The following LMO7 variants were observed in gnomAD, a reference collection of about 807,000 sequenced individuals.
LMO7 encodes LIM domain 7.
Under a neutral mutation model 206.5 loss-of-function variants are expected in LMO7, and 120 were observed. The observed-to-expected ratio is 0.58, with a 90% confidence interval of 0.50 to 0.68. LMO7 has a LOEUF of 0.68. Ranked by LOEUF, LMO7 falls within the 30% of genes least tolerant of loss-of-function variation. The pLI, the probability that LMO7 is intolerant of heterozygous loss-of-function variation, is 0.00. For missense variants in LMO7, 1,959 were observed against 1,957.9 expected (o/e 1.00, Z -0.01); for synonymous variants, 706 against 681.5 (o/e 1.04, Z -0.56).
Position 75,823,665 on chromosome 13 carries a change from T to C in LMO7, c.2741T>C (p.Leu914Pro). 6.2e-7 allele frequency: 1 copy of C among 1,614,180 alleles called. No individual in the cohort carries two copies. The highest frequency in any genetic ancestry group is 1.1e-5 in the South Asian group (1 of 91,090). ...TPAPSPDASQ[L>P]ASSLSSQKEV... ...GCACCAAGCCCGGACGCAAGCCAAC[T>C]GGCTTCAAGCTTATCTAGCCAGAAA... Residue 914 changes from leucine to proline, a missense_variant, in exon 15 of 31, where the codon CTG (leucine) becomes CCG (proline). By Grantham distance (98) the Leu-to-Pro change is moderately conservative. Coordinates refer to ENST00000377534, the MANE Select transcript of LMO7 (RefSeq NM_001306080.2).
At chr13:75,783,026 A>G (rs926716661) in intron 4 of LMO7, among the ~76,000 whole-genome samples, 3 of 152,198 alleles carry the variant, frequency 2.0e-5, no homozygotes, top group African/African-American at 7.2e-5. Flanking sequence ...ATAAATTTTC[A>G]GTATTTTAAA....
intron 1 of LMO7, among the ~76,000 whole-genome samples, chr13:75,659,133 T>A (rs2038335268): frequency 1.3e-5 from 2 of 152,198 alleles, no homozygotes; most frequent in Non-Finnish European, 2.9e-5. Flanking sequence ...TAGTAATGGG[T>A]CAAAAATTTC....
intron 20 of LMO7, chr13:75,838,595 G>A (rs2139133100): frequency 5.1e-6 from 1 of 196,586 alleles, no homozygotes; most frequent in African/African-American, 2.4e-5. Context: ...ACATGCAATT[G>A]GCCAAGTTTT....
At chr13:75,825,954 C>A (rs1030105602) in intron 15 of LMO7, among the ~76,000 whole-genome samples, 2 of 152,140 alleles carry the variant, frequency 1.3e-5, no homozygotes, top group Non-Finnish European at 2.9e-5. Context: ...ATACCTTGGA[C>A]TTTTGCTGGC....
chr13:75,817,120 C>A (rs762816866), intron 11 of LMO7, 41 bp from the exon 12 acceptor site: 6 of 1,426,328 alleles, frequency 4.2e-6, no homozygotes, highest in South Asian at 3.5e-5. Flanking sequence ...TAAGTCTGGT[C>A]ATGTGAACTT....
In LMO7 at chr13:75,858,489, C is replaced by A. The variant is rs2061129212; in HGVS notation, c.*546C>A. 1 of 152,508 alleles carries A rather than the reference C, an allele frequency of 6.6e-6. No individual in the cohort carries two copies. The highest frequency in any genetic ancestry group is 1.5e-5 in the Non-Finnish European group (1 of 68,018). 9.4% of individuals were successfully genotyped at this position (152,508 alleles called of 1,614,324 possible). On this transcript the variant is annotated 3_prime_UTR_variant, in exon 31 of 31. Transcript: ENST00000377534. ...GATTTTTAAAAATGCAGTTAATGTA[C>A]CATTTATTTGCTTGATGAAGGGAGC...
intron 25 of LMO7, among the ~76,000 whole-genome samples, chr13:75,844,550 C>G (rs1353867383): frequency 6.6e-6 from 1 of 151,902 alleles, no homozygotes; most frequent in Non-Finnish European, 1.5e-5. Context: ...ACTGAGACTA[C>G]GGGCGCATGC....
intron 3 of LMO7, among the ~76,000 whole-genome samples, chr13:75,742,565 G>C (rs756629469): frequency 7.2e-5 from 11 of 152,044 alleles, no homozygotes; most frequent in Non-Finnish European, 1.5e-4. Flanking sequence ...CAGAAATAAG[G>C]CTGCACACTT....
chr13:75,625,411 A>G (rs1345808344), intron 2 of LMO7, among the ~76,000 whole-genome samples: 1 of 147,014 alleles, frequency 6.8e-6, no homozygotes. Flanking sequence ...CCAGCAGAAG[A>G]TGCAAGTGTG....
chr13:75,721,257 A>G (rs1164562761), intron 2 of LMO7, among the ~76,000 whole-genome samples: 1 of 152,212 alleles, frequency 6.6e-6, no homozygotes, highest in Non-Finnish European at 1.5e-5. Context: ...GAAGATAGAG[A>G]TTTTGAAGAA....
At chr13:75,743,829 T>G (rs1296657044) in intron 3 of LMO7, among the ~76,000 whole-genome samples, 1 of 152,064 alleles carries the variant, frequency 6.6e-6, no homozygotes. Context: ...CATACCTGCA[T>G]GTGCACAGGT....
intron 1 of LMO7, among the ~76,000 whole-genome samples, chr13:75,641,296 T>A (rs1006398657): frequency 6.6e-6 from 1 of 152,208 alleles, no homozygotes; most frequent in Non-Finnish European, 1.5e-5. Context: ...CTTTTTTAAC[T>A]TGTCGTGTGT....
In LMO7 at chr13:75,727,060, A is replaced by G. The variant is rs2044543951; in HGVS notation, c.172A>G (p.Lys58Glu). ...TAATAAGCTTAAACCTGGCGTCATTAAGAAGATCAATAGACTGTCTACACC... is the reference window on the plus strand; with the variant it reads ...TAATAAGCTTAAACCTGGCGTCATTGAGAAGATCAATAGACTGTCTACACC... ...LINKLKPGVIKKINRLSTPIA... is the reference protein window; with the variant it reads ...LINKLKPGVIEKINRLSTPIA... Residue 58 changes from lysine (K) to glutamate (E), a missense_variant, in exon 3 of 31, where the codon AAG (lysine) becomes GAG (glutamate). Physicochemically the swap from Lys to Glu is moderately conservative, Grantham distance 56. Coordinates refer to ENST00000377534, the MANE Select transcript of LMO7 (RefSeq NM_001306080.2). The G allele has an allele frequency of 6.3e-7, 1 of 1,589,880 alleles. No homozygotes were observed. The highest frequency in any genetic ancestry group is 8.6e-7 in the Non-Finnish European group (1 of 1,158,768).
At position 75,856,844 on chromosome 13, in the gene LMO7, A is replaced by G. The variant is rs11843847; in HGVS notation, c.4873+236A>G. 2.7e-3 allele frequency: 1,057 copies of G among 392,470 alleles called. 8 individuals carry two copies. The highest frequency in any genetic ancestry group is 0.018 in the African/African-American group (880 of 48,568). 24.3% of individuals were successfully genotyped at this position (392,470 alleles called of 1,614,324 possible). A position where few individuals can be genotyped will look rare whatever the true frequency, so the allele number is the denominator to read the frequency against. The stretch of plus-strand genomic sequence containing the variant: ...CAAGGAATGGAGAGGAACAGTGTCC[A>G]AAAGTCAGGATGGTGTCTTGTGTTA... On this transcript the variant is annotated intron_variant, in intron 30 of 30. Transcript: ENST00000377534.
Position 75,841,985 on chromosome 13 carries a change from T to C in LMO7, c.4031+2T>C. On this transcript the variant is annotated splice_donor_variant, in intron 24 of 30. Transcript: ENST00000377534. LOFTEE classifies it high-confidence loss of function. ...AGTCAGAATATACCAGTACAGGAGG[T>C]ATGTCCCCACAGCCAGAGGGTACAA... 6.2e-7 allele frequency: 1 copy of C among 1,603,562 alleles called. No homozygotes were observed. The highest frequency in any genetic ancestry group is 8.5e-7 in the Non-Finnish European group (1 of 1,173,952).
chr13:75,728,173 G>C (rs541119965), intron 3 of LMO7, among the ~76,000 whole-genome samples: 8 of 152,218 alleles, frequency 5.3e-5, no homozygotes, highest in Admixed American at 3.9e-4. Context: ...GGTATTTCTC[G>C]TTCTAGATCC....
chr13:75,735,734 A>G (rs891729064), intron 3 of LMO7, among the ~76,000 whole-genome samples: 1 of 151,210 alleles, frequency 6.6e-6, no homozygotes, highest in African/African-American at 2.4e-5. Flanking sequence ...TCGGCCTCCC[A>G]AAGTGCTGGA....
At chr13:75,796,591 G>A (rs1331538877) in intron 5 of LMO7, 45 bp from the exon 6 acceptor site, 1 of 1,160,250 alleles carries the variant, frequency 8.6e-7, no homozygotes. Context: ...GCAATTGGTT[G>A]CTAATCGACT....
At chr13:75,834,719 A>C (rs2058978051) in intron 17 of LMO7, among the ~76,000 whole-genome samples, 1 of 152,190 alleles carries the variant, frequency 6.6e-6, no homozygotes, top group Admixed American at 6.6e-5. Context: ...CTATGATTTA[A>C]CTTTATCTGC....
Sources: gnomAD v4.1 joint callset for allele counts (sites outside exome capture counted in the v4.1 genomes callset) on GRCh38, gnomAD v4.1.1 for gene constraint, MANE v1.5 for transcripts, NCBI Gene and HGNC (gene_info 2026-07-23, HGNC 2026-07-21) for gene names.